Variants in TRIM42 observed in about 807,000 individuals in gnomAD.
TRIM42 encodes the protein tripartite motif containing 42, also known as tripartite motif-containing protein 42.
Under a neutral mutation model 64.9 loss-of-function variants are expected in TRIM42, and 59 were observed. The ratio of observed to expected loss-of-function variants is 0.91; its 90% CI spans 0.74 to 1.13. The LOEUF (loss-of-function observed/expected upper bound fraction) is 1.13, where lower values mean the gene tolerates loss of function less well. TRIM42 is among the 50% of genes most tolerant of loss of function. The pLI is 0.00. For synonymous variants in TRIM42, 354 were observed against 346.3 expected (o/e 1.02, Z -0.25); for missense variants, 878 against 929.5 (o/e 0.94, Z 0.72).
rs754859495 is a variant in TRIM42 at position 140,682,942 on chromosome 3, C to T, written c.822C>T (p.Asp274=). Residue 274 remains aspartate, a synonymous_variant, in exon 2 of 5, where the codon GAC becomes GAT. Coordinates refer to ENST00000286349, the MANE Select transcript of TRIM42 (RefSeq NM_152616.5). Reference sequence around the variant, plus strand: ...TCCACTCGGATGTGGCCATGCAAGACCACGTCTTTGTGGACACCAGCGCCG... The same window carrying T: ...TCCACTCGGATGTGGCCATGCAAGATCACGTCTTTGTGGACACCAGCGCCG... ...KAFHSDVAMQ[D]HVFVDTSAEE... The T allele has an allele frequency of 6.2e-7, 1 of 1,614,254 alleles. No homozygotes were observed. Among genetic ancestry groups the T allele is most frequent in the Admixed American group, 1.7e-5 (1 of 60,032 alleles).
chr3:140,689,702 T>G (rs1372250704), intron 3 of TRIM42, among the ~76,000 whole-genome samples: 1 of 151,762 alleles, frequency 6.6e-6, no homozygotes, highest in Non-Finnish European at 1.5e-5. Flanking sequence ...GTTAGAACAC[T>G]CCATGAGCTA....
chr3:140,695,813 C>CACT (rs1198205099), intron 4 of TRIM42, among the ~76,000 whole-genome samples: 3 of 152,152 alleles, frequency 2.0e-5, no homozygotes, highest in African/African-American at 7.2e-5. Context: ...TGAATGACCA[C>CACT]CACTATTTCA....
intron 4 of TRIM42, among the ~76,000 whole-genome samples, chr3:140,691,752 A>C (rs1988721253): frequency 6.6e-6 from 1 of 152,212 alleles, no homozygotes. Flanking sequence ...CCTTCCAAAA[A>C]AGAAAGGACA....
Position 140,687,838 on chromosome 3 carries a change from A to C in TRIM42, c.1156A>C (p.Ile386Leu). Residue 386 changes from isoleucine to leucine, a missense_variant, in exon 3 of 5, where the codon ATT becomes CTT. Transcript: ENST00000286349. ...AAATGGCTTTCTCAAGTTGCGCAGC[A>C]TTCTTCAGGAGAAAGAGAAGATCAT... is the stretch of plus-strand genomic sequence containing the variant. ...IRNGFLKLRS[I>L]LQEKEKIIME... is the part of the protein sequence containing the mutation. 2 of 1,614,266 alleles carry C rather than the reference A, an allele frequency of 1.2e-6. No homozygotes were observed.
chr3:140,695,741 C>A lies in TRIM42; in HGVS notation c.2085+4549C>A, dbSNP rs149640769. Among the ~76,000 whole-genome samples the A allele has an allele frequency of 4.3e-3, 650 of 152,244 alleles. 7 individuals carry two copies. Among genetic ancestry groups the A allele is most frequent in the African/African-American group, 0.015 (618 of 41,548 alleles). ...GCAGACTCTCAGGCTGAGCCACACA[C>A]CTTCAAAGATTAGGGTTGGAGCCAC... On this transcript the variant is annotated intron_variant, in intron 4 of 4. Coordinates refer to ENST00000286349, the MANE Select transcript of TRIM42 (RefSeq NM_152616.5).
Position 140,683,134 on chromosome 3 carries a change from C to G in TRIM42, c.1014C>G (p.Phe338Leu). 3 of 1,614,192 alleles carry G rather than the reference C, an allele frequency of 1.9e-6. No homozygotes were observed. The highest frequency in any genetic ancestry group is 1.7e-6 in the Non-Finnish European group (2 of 1,180,022). ...DACSERAASL[F>L]SAIAKFKAVR... is the part of the protein sequence containing the mutation. ...GCTCCGAGAGGGCCGCCTCACTCTT[C>G]AGCGCCATCGCCAAGTTCAAAGCAG... The change falls in exon 2 of 5, where the codon TTC becomes TTG. Residue 338 changes from phenylalanine (F) to leucine (L), a missense_variant. Phe to Leu is a conservative substitution (Grantham distance 22). Coordinates refer to ENST00000286349, the MANE Select transcript of TRIM42 (RefSeq NM_152616.5).
chr3:140,690,535 A>G (rs542236647), intron 3 of TRIM42, among the ~76,000 whole-genome samples: 21 of 76 alleles, frequency 0.28, no homozygotes, highest in African/African-American at 0.38. Context: ...TTTTATGTAT[A>G]TATATATATA....
At chr3:140,685,969 AAG>A (rs1988536186) in intron 2 of TRIM42, among the ~76,000 whole-genome samples, 1 of 152,196 alleles carries the variant, frequency 6.6e-6, no homozygotes, top group Admixed American at 6.5e-5. Context: ...TATTGCCTAA[AAG>A]AGACCTTGAT....
chr3:140,682,438 C>A, intron 1 of TRIM42, 24 bp from the exon 2 acceptor site: 1 of 1,598,890 alleles, frequency 6.3e-7, no homozygotes, highest in Non-Finnish European at 8.5e-7. Context: ...CCTCCTGAAA[C>A]CCTGCCTTTG....
chr3:140,678,637 T>C, intron 1 of TRIM42, 67 bp downstream of exon 1: 3 of 1,388,042 alleles, frequency 2.2e-6, no homozygotes, highest in East Asian at 4.7e-5. Flanking sequence ...TTGCCAGCTG[T>C]GAAGTCTACA....
intron 2 of TRIM42, among the ~76,000 whole-genome samples, chr3:140,684,346 G>A (rs1004490359): frequency 6.6e-6 from 1 of 152,210 alleles, no homozygotes; most frequent in Non-Finnish European, 1.5e-5. Context: ...GATTGAAGGG[G>A]AGGGAAGGGG....
intron 2 of TRIM42, among the ~76,000 whole-genome samples, chr3:140,686,709 C>G (rs78270791): frequency 0.018 from 2,681 of 152,256 alleles, 58 homozygotes; most frequent in East Asian, 0.12. Flanking sequence ...GATTATTGCC[C>G]ATCAATTCAC....
chr3:140,698,687 T>C (rs1159411010), intron 4 of TRIM42, among the ~76,000 whole-genome samples: 7 of 152,142 alleles, frequency 4.6e-5, no homozygotes, highest in Non-Finnish European at 5.9e-5. Flanking sequence ...AGATTACTGG[T>C]TTAGAATAAA....
chr3:140,683,778 A>G (rs1017877336), intron 2 of TRIM42, among the ~76,000 whole-genome samples: 2 of 152,226 alleles, frequency 1.3e-5, no homozygotes, highest in African/African-American at 4.8e-5. Context: ...AGCCAATAGC[A>G]TTCTAGTCAA....
chr3:140,695,649 C>A (rs923502847), intron 4 of TRIM42, among the ~76,000 whole-genome samples: 3 of 152,146 alleles, frequency 2.0e-5, no homozygotes, highest in Admixed American at 6.5e-5. Context: ...CCTGCTGAAA[C>A]CCCAGCCACA....
chr3:140,689,618 T>C (rs1046990383), intron 3 of TRIM42, among the ~76,000 whole-genome samples: 1 of 152,044 alleles, frequency 6.6e-6, no homozygotes, highest in East Asian at 1.9e-4. Context: ...GATTTACTTT[T>C]CCATTCTCCT....
chr3:140,700,952 CT>C lies in TRIM42; in HGVS notation c.2151del (p.Ala718ProfsTer42), dbSNP rs763484992. The C allele has an allele frequency of 1.4e-5, 22 of 1,613,972 alleles. No homozygotes were observed. Among genetic ancestry groups the C allele is most frequent in the Non-Finnish European group, 1.9e-5 (22 of 1,179,954 alleles). On this transcript the variant is annotated frameshift_variant, in exon 5 of 5. Transcript: ENST00000286349. LOFTEE classifies it high-confidence loss of function. ...TGGGGCCTGCTGAAGAATATCCAGT[CT>C]GCCCTCCAGAAGCACTTCTGAGCCC... ...AKWGLLKNIQ[S>X]ALQKHF
intron 2 of TRIM42, among the ~76,000 whole-genome samples, chr3:140,685,757 A>C (rs1429007144): frequency 6.6e-6 from 1 of 152,198 alleles, no homozygotes; most frequent in East Asian, 1.9e-4. Flanking sequence ...GGAGCTAGAC[A>C]AATAGAATTA....
chr3:140,686,115 C>G (rs906990499), intron 2 of TRIM42, among the ~76,000 whole-genome samples: 1 of 152,136 alleles, frequency 6.6e-6, no homozygotes, highest in African/African-American at 2.4e-5. Flanking sequence ...AAATTTTTAT[C>G]CTGCTTCTCA....
Sources: allele counts gnomAD v4.1 joint callset (sites outside exome capture counted in the v4.1 genomes callset), GRCh38; gene constraint gnomAD v4.1.1; transcripts MANE v1.5; gene names NCBI Gene and HGNC (gene_info 2026-07-23, HGNC 2026-07-21).